GPR19: variants seen among roughly 807,000 people sequenced by gnomAD.
GPR19 encodes the protein G protein-coupled receptor 19.
GPR19 carries 14 observed loss-of-function variants against 28.5 expected under a neutral mutation model. That is an observed-to-expected ratio of 0.49 (90% confidence interval 0.32 to 0.77). GPR19 has a LOEUF of 0.77. Ranked by LOEUF, GPR19 falls within the 30% of genes least tolerant of loss-of-function variation. GPR19 has a pLI of 0.03. For missense variants in GPR19, 409 were observed against 504.1 expected (o/e 0.81, Z 1.81); for synonymous variants, 173 against 184.1 (o/e 0.94, Z 0.49).
chr12:12,713,768 G>A, the GPR19 span, among the ~76,000 whole-genome samples: 16 of 152,268 alleles, frequency 1.1e-4, no homozygotes, highest in South Asian at 3.3e-3. Context: ...CTGACATCAA[G>A]TGATCCACCT....
At position 12,661,691 on chromosome 12, in the gene GPR19, A is replaced by T; in HGVS notation, c.758T>A (p.Ile253Lys). 1 of 1,614,188 alleles carries T rather than the reference A, an allele frequency of 6.2e-7. No homozygotes were observed. The highest frequency in any genetic ancestry group is 1.3e-5 in the African/African-American group (1 of 75,060). The change falls in exon 4 of 4, where the codon ATA becomes AAA. Residue 253 changes from isoleucine to lysine, a missense_variant. Transcript: ENST00000651487. This position sits in a 1 kb window ranked among gnomAD's most constrained non-coding sequence, Gnocchi z 4.2. Reference protein sequence around the residue: ...YQKVIKYIWRIGTDGRTVRRT... With the variant: ...YQKVIKYIWRKGTDGRTVRRT... ...CCTCACCGTTCGGCCATCTGTGCCT[A>T]TTCTCCAAATATATTTTATGACCTT...
At chr12:12,705,115 C>CAT in the GPR19 span, among the ~76,000 whole-genome samples, 1 of 136,628 alleles carries the variant, frequency 7.3e-6, no homozygotes, top group Admixed American at 7.7e-5. Flanking sequence ...AGAAATGCAT[C>CAT]TTTTTTTTTT....
the GPR19 span, chr12:12,716,654 G>A: frequency 2.5e-5 from 12 of 483,648 alleles, no homozygotes; most frequent in Non-Finnish European, 3.2e-5. Flanking sequence ...TATTTTCATT[G>A]AGGGAGAGCT....
chr12:12,690,093 TTTTG>T (rs767666086), intron 2 of GPR19, among the ~76,000 whole-genome samples: 11 of 152,328 alleles, frequency 7.2e-5, no homozygotes, highest in Non-Finnish European at 1.5e-4. Flanking sequence ...GACATAATGT[TTTTG>T]TTTGTTTGTT....
rs1320009812 is a variant in GPR19, at chr12:12,661,744, T to C, written c.705A>G (p.Pro235=). The change falls in exon 4 of 4, where the codon CCA becomes CCG. Residue 235 remains proline (P), a synonymous_variant. Coordinates refer to ENST00000651487, the MANE Select transcript of GPR19 (RefSeq NM_006143.3). This position sits in a 1 kb window ranked among gnomAD's most constrained non-coding sequence, Gnocchi z 4.2. ...VIHFLVGFVI[P]SVLIILFYQK... Reference sequence around the variant, plus strand: ...GGTAAAATAAAATTATGAGGACAGATGGAATCACAAAGCCCACCAAGAAGT... The same window carrying C: ...GGTAAAATAAAATTATGAGGACAGACGGAATCACAAAGCCCACCAAGAAGT... 3.7e-6 allele frequency: 6 copies of C among 1,613,948 alleles called. No individual in the cohort carries two copies. Among genetic ancestry groups the C allele is most frequent in the Non-Finnish European group, 5.1e-6 (6 of 1,180,002 alleles).
At chr12:12,694,486 G>A (rs774951271) in intron 2 of GPR19, among the ~76,000 whole-genome samples, 8 of 151,884 alleles carry the variant, frequency 5.3e-5, no homozygotes, top group South Asian at 2.1e-4. Context: ...GATTACAGGC[G>A]TGAGCTACCG....
intron 2 of GPR19, among the ~76,000 whole-genome samples, chr12:12,687,706 A>T (rs1039354215): frequency 1.1e-4 from 16 of 152,250 alleles, no homozygotes; most frequent in African/African-American, 3.9e-4. Flanking sequence ...AAATCCTTTT[A>T]AAAATCAAGA....
chr12:12,694,235 G>T (rs1592270858), intron 2 of GPR19, among the ~76,000 whole-genome samples: 1 of 107,066 alleles, frequency 9.3e-6, no homozygotes, highest in African/African-American at 3.8e-5. Flanking sequence ...GTCTCGCTCT[G>T]TCGCCCAGGC....
intron 3 of GPR19, among the ~76,000 whole-genome samples, chr12:12,665,961 G>C (rs1431677168): frequency 4.6e-5 from 7 of 151,934 alleles, no homozygotes; most frequent in Non-Finnish European, 8.8e-5. Context: ...CAAAAATAGG[G>C]ACCCAGTTTT....
chr12:12,684,718 C>T (rs1946069850), intron 2 of GPR19, among the ~76,000 whole-genome samples: 1 of 152,200 alleles, frequency 6.6e-6, no homozygotes, highest in African/African-American at 2.4e-5. Context: ...CAGCAGAAAT[C>T]TCTGTCTTGA....
intron 2 of GPR19, among the ~76,000 whole-genome samples, chr12:12,688,061 A>G (rs527703256): frequency 6.6e-6 from 1 of 152,372 alleles, no homozygotes; most frequent in South Asian, 2.1e-4. Flanking sequence ...TAATTGACTC[A>G]GGAAAAGATC....
chr12:12,687,624 A>T (rs1946115490), intron 2 of GPR19, among the ~76,000 whole-genome samples: 1 of 152,134 alleles, frequency 6.6e-6, no homozygotes, highest in South Asian at 2.1e-4. Flanking sequence ...CCTCCTGGGG[A>T]CCAAACACAG....
At chr12:12,681,783 G>A (rs1566154517) in intron 3 of GPR19, among the ~76,000 whole-genome samples, 2 of 152,228 alleles carry the variant, frequency 1.3e-5, no homozygotes, top group Admixed American at 1.3e-4. Flanking sequence ...TTATGTTTGT[G>A]TATATTATCA....
At chr12:12,714,972 A>G in the GPR19 span, 2 of 152,140 alleles carry the variant, frequency 1.3e-5, no homozygotes, top group Non-Finnish European at 2.9e-5. Context: ...CGAGATCAAC[A>G]ACAACAAAGC....
At chr12:12,693,390 T>C (rs1381302350) in intron 2 of GPR19, among the ~76,000 whole-genome samples, 1 of 152,164 alleles carries the variant, frequency 6.6e-6, no homozygotes, top group African/African-American at 2.4e-5. Flanking sequence ...CAATGAGGTA[T>C]TGCAGGTTGT....
intron 2 of GPR19, among the ~76,000 whole-genome samples, chr12:12,692,299 C>A (rs79947029): frequency 6.6e-6 from 1 of 152,130 alleles, no homozygotes; most frequent in Non-Finnish European, 1.5e-5. Flanking sequence ...TCCAGAAAGA[C>A]CTTTAGCTTT....
At chr12:12,716,325 A>G in the GPR19 span, among the ~76,000 whole-genome samples, 1 of 152,230 alleles carries the variant, frequency 6.6e-6, no homozygotes, top group Non-Finnish European at 1.5e-5. Context: ...GCATCTGAAT[A>G]TTGTTCTGAG....
intron 3 of GPR19, among the ~76,000 whole-genome samples, chr12:12,671,852 G>A (rs1945858846): frequency 6.6e-6 from 1 of 152,098 alleles, no homozygotes; most frequent in Non-Finnish European, 1.5e-5. Flanking sequence ...GTTTCTTAAA[G>A]ACCAGTTGTA....
intron 3 of GPR19, among the ~76,000 whole-genome samples, chr12:12,668,743 T>C (rs1368907117): frequency 6.6e-6 from 1 of 151,786 alleles, no homozygotes. Context: ...CATGGATACA[T>C]ATGGGTATTT....
Sources: allele counts gnomAD v4.1 joint callset (sites outside exome capture counted in the v4.1 genomes callset), GRCh38; gene constraint gnomAD v4.1.1; non-coding constraint Gnocchi (gnomAD v3.1); transcripts MANE v1.5; gene names NCBI Gene and HGNC (gene_info 2026-07-23, HGNC 2026-07-21).